The following WDR11 variants were observed in gnomAD, a reference collection of about 807,000 sequenced individuals.
The protein encoded by WDR11 is WD repeat-containing protein 11.
WDR11 carries 83 observed loss-of-function variants against 151.2 expected under a neutral mutation model. The ratio of observed to expected loss-of-function variants is 0.55; its 90% CI spans 0.46 to 0.66. The LOEUF (loss-of-function observed/expected upper bound fraction) is 0.66. WDR11 is among the 30% of genes least tolerant of loss of function. The pLI is 0.00. For missense variants in WDR11, 1,301 were observed against 1,480.9 expected, an observed-to-expected ratio of 0.88 and a Z score of 1.99; for synonymous variants, 484 against 533.1, an observed-to-expected ratio of 0.91 and a Z score of 1.27.
intron 16 of WDR11, 52 bp from the exon 17 acceptor site, chr10:120,889,026 G>A: frequency 7.8e-7 from 1 of 1,285,232 alleles, no homozygotes; most frequent in East Asian, 2.3e-5. Flanking sequence ...TTATTATAAT[G>A]TCTTATACAG....
intron 27 of WDR11, 99 bp downstream of exon 27, chr10:120,906,120 G>A (rs1303022602): frequency 3.7e-6 from 6 of 1,602,888 alleles, no homozygotes; most frequent in Non-Finnish European, 5.1e-6. Flanking sequence ...GATGTGTAAA[G>A]TGAAAGGAGA....
chr10:120,890,340 G>A (rs1356380123), intron 18 of WDR11, among the ~76,000 whole-genome samples: 1 of 152,048 alleles, frequency 6.6e-6, no homozygotes, highest in African/African-American at 2.4e-5. Flanking sequence ...AGCCTCCCTA[G>A]TAGCTGGGAT....
intron 27 of WDR11, chr10:120,906,444 A>G: frequency 8.0e-7 from 1 of 1,254,214 alleles, no homozygotes; most frequent in Non-Finnish European, 1.0e-6. Flanking sequence ...TTTATTCAAA[A>G]CTAAGGGAGG....
intron 26 of WDR11, 160 bp from the exon 27 acceptor site, chr10:120,905,716 G>A (rs1298499895): frequency 3.0e-6 from 4 of 1,312,052 alleles, no homozygotes; most frequent in Admixed American, 2.0e-5. Context: ...GGCACAGACC[G>A]TTATCATTAT....
chr10:120,886,969 C>A, intron 16 of WDR11, 133 bp downstream of exon 16: 1 of 953,970 alleles, frequency 1.0e-6, no homozygotes, highest in Non-Finnish European at 1.6e-6. Context: ...GAGATATTAT[C>A]GATTAAACTT....
rs759234690 is a variant in WDR11 at position 120,889,144 on chromosome 10, G to A, written c.2188G>A (p.Gly730Arg). 1.9e-5 allele frequency: 30 copies of A among 1,613,688 alleles called. No homozygotes were observed. Among genetic ancestry groups the A allele is most frequent in the Non-Finnish European group, 2.4e-5 (28 of 1,179,866 alleles). ...TACATTAGTGCTTGGAGATATGGAT[G>A]GAAATTTAAATTTCTGGGACTTGAA... ...GDTLVLGDMD[G>R]NLNFWDLKGR... The change falls in exon 17 of 29, where the codon GGA becomes AGA. Residue 730 changes from glycine to arginine, a missense_variant. Gly to Arg is a moderately radical substitution (Grantham distance 125). This residue lies in a region of WDR11 where 589 missense variants were observed against 670.6 expected (regional missense o/e 0.88). Transcript: ENST00000263461.
At position 120,904,068 on chromosome 10, in the gene WDR11, A is replaced by C. The variant is rs2133814781; in HGVS notation, c.2953A>C (p.Asn985His). ...YFQKFQLERV[N>H]LQEVKRSTYD... The stretch of plus-strand genomic sequence containing the variant: ...CTAGAAATTTCAGCTAGAAAGGGTT[A>C]ATCTGCAGGAAGTGAAACGGTCAAC... The change falls in exon 24 of 29, where the codon AAT (asparagine) becomes CAT (histidine). Residue 985 changes from asparagine to histidine, a missense_variant. Coordinates refer to ENST00000263461, the MANE Select transcript of WDR11 (RefSeq NM_018117.12). The C allele has an allele frequency of 6.2e-7, 1 of 1,612,498 alleles. No individual in the cohort carries two copies. The highest frequency in any genetic ancestry group is 8.5e-7 in the Non-Finnish European group (1 of 1,178,770).
chr10:120,858,873 T>TC, intron 3 of WDR11, 77 bp downstream of exon 3: 1 of 1,547,446 alleles, frequency 6.5e-7, no homozygotes. Context: ...TTGGGGGTTT[T>TC]CCCCCATTCA....
chr10:120,862,662 A>G (rs1846182312), intron 4 of WDR11, 73 bp from the exon 5 acceptor site: 2 of 1,482,464 alleles, frequency 1.3e-6, no homozygotes, highest in East Asian at 4.5e-5. Flanking sequence ...ATTGCTCTCA[A>G]AATTGTATTG....
chr10:120,890,014 G>T lies in WDR11; in HGVS notation c.2343+5G>T, dbSNP rs1358964396. The stretch of plus-strand genomic sequence containing the variant: ...GAAGTGTGGGATACTAAAGAGGTAG[G>T]CCCTCTCCATGAGGATAAAACGTAA... On this transcript the variant is annotated splice_donor_5th_base_variant and intron_variant, in intron 18 of 28. Coordinates refer to ENST00000263461, the MANE Select transcript of WDR11 (RefSeq NM_018117.12). 1 of 1,568,826 alleles carries T rather than the reference G, an allele frequency of 6.4e-7. No homozygotes were observed. The highest frequency in any genetic ancestry group is 1.7e-5 in the Admixed American group (1 of 59,896).
chr10:120,894,152 T>A (rs1326132741), intron 19 of WDR11, among the ~76,000 whole-genome samples: 2 of 152,110 alleles, frequency 1.3e-5, no homozygotes, highest in African/African-American at 2.4e-5. Context: ...GTTTTAGGTC[T>A]AACATGTAAG....
chr10:120,865,632 A>G lies in WDR11; in HGVS notation c.882A>G (p.Val294=), dbSNP rs749818634. 1.3e-6 allele frequency: 2 copies of G among 1,598,940 alleles called. No homozygotes were observed. Among genetic ancestry groups the G allele is most frequent in the Middle Eastern group, 4.5e-4 (2 of 4,426 alleles). ...ATAAATATATCATCTATTTAAAGGTAATACCCTGCTTTCAGCGTGATGGTT... is the reference window on the plus strand; with the variant it reads ...ATAAATATATCATCTATTTAAAGGTGATACCCTGCTTTCAGCGTGATGGTT... ...IERTGVPFLQ[V]IPCFQRDGLF... is the part of the protein sequence containing the mutation. Residue 294 remains valine, a splice_region_variant and synonymous_variant, in exon 7 of 29, where the codon GTA becomes GTG. Coordinates refer to ENST00000263461, the MANE Select transcript of WDR11 (RefSeq NM_018117.12).
chr10:120,867,978 T>G (rs1439609496), intron 9 of WDR11, among the ~76,000 whole-genome samples: 1 of 152,236 alleles, frequency 6.6e-6, no homozygotes, highest in Non-Finnish European at 1.5e-5. Context: ...TTTATGCTAC[T>G]TGAAATTATA....
chr10:120,879,877 T>A (rs1404586321), intron 12 of WDR11: 2 of 152,240 alleles, frequency 1.3e-5, no homozygotes, highest in Non-Finnish European at 2.9e-5. Flanking sequence ...CACAAGATAC[T>A]AAAACATACA....
At chr10:120,876,515 A>T (rs898389938) in intron 11 of WDR11, among the ~76,000 whole-genome samples, 1 of 152,242 alleles carries the variant, frequency 6.6e-6, no homozygotes, top group East Asian at 1.9e-4. Context: ...GGACTCTTTC[A>T]GGCTGTTATT....
chr10:120,871,433 T>C lies in WDR11; in HGVS notation c.1471+87T>C, dbSNP rs576302104. 14 of 1,377,340 alleles carry C rather than the reference T, an allele frequency of 1.0e-5. No individual in the cohort carries two copies. The East Asian group carries it at 3.2e-4, about 32-fold the overall frequency. The allele number at this position is 1,377,340 out of a possible 1,614,324, so 85.3% of individuals were successfully genotyped here. On this transcript the variant is annotated intron_variant, in intron 10 of 28. Transcript: ENST00000263461. ...GTTTCTAGAAGATCCTTTATTCTTT[T>C]TGAGGATGCTTTAAAAGGAGATAGA...
intron 26 of WDR11, 59 bp from the exon 27 acceptor site, chr10:120,905,817 T>C (rs768403228): frequency 4.2e-5 from 67 of 1,613,954 alleles, no homozygotes; most frequent in Admixed American, 1.0e-4. Flanking sequence ...AACTGAATTA[T>C]TATTTTTTCT....
intron 4 of WDR11, chr10:120,862,438 C>T (rs994378769): frequency 1.5e-4 from 39 of 253,598 alleles, no homozygotes; most frequent in African/African-American, 7.3e-4. Context: ...AATGAAAGTC[C>T]GTGCCCTGAA....
At chr10:120,852,957 A>G (rs1361397578) in intron 2 of WDR11, among the ~76,000 whole-genome samples, 3 of 152,212 alleles carry the variant, frequency 2.0e-5, no homozygotes, top group Non-Finnish European at 4.4e-5. Flanking sequence ...CCATCTTATA[A>G]GGAAGACTCA....
Sources: gnomAD v4.1 joint callset for allele counts (sites outside exome capture counted in the v4.1 genomes callset) on GRCh38, gnomAD v4.1.1 for gene constraint, gnomAD v4.1.1 regional missense constraint, MANE v1.5 for transcripts, NCBI Gene and HGNC (gene_info 2026-07-23, HGNC 2026-07-21) for gene names.